Variants in THADA observed in about 807,000 individuals in gnomAD.
THADA encodes THADA armadillo repeat containing.
A neutral mutation model predicts 219.8 loss-of-function variants in THADA; 213 were observed. The observed-to-expected ratio is 0.97, with a 90% CI of 0.87 to 1.09. The LOEUF (loss-of-function observed/expected upper bound fraction) is 1.09. Among genes scored for constraint, THADA ranks in the 50% least tolerant of loss-of-function variants. The pLI is 0.00. For synonymous variants in THADA, 1,018 were observed against 828.9 expected (o/e 1.23, Z -3.92); for missense variants, 2,956 against 2,311.3 (o/e 1.28, Z -5.72).
intron 20 of THADA, among the ~76,000 whole-genome samples, chr2:43,548,326 C>A (rs1696318009): frequency 6.6e-6 from 1 of 152,238 alleles, no homozygotes; most frequent in African/African-American, 2.4e-5. Context: ...GTCAGGGACC[C>A]ACTTGAGGAG....
In THADA at chr2:43,230,943, T is replaced by A. The variant is rs1572690641; in HGVS notation, c.*5A>T. 6.3e-7 allele frequency: 1 copy of A among 1,599,132 alleles called. No individual in the cohort carries two copies. Among genetic ancestry groups the A allele is most frequent in the East Asian group, 2.2e-5 (1 of 44,506 alleles). On this transcript the variant is annotated 3_prime_UTR_variant, in exon 38 of 38. Transcript: ENST00000405975. ...ATACCCCCATCCCAATCCCCCAGAT[T>A]TTCTTCAACATGCCGCTTCTGTTCT...
At chr2:43,331,638 C>G (rs923801446) in intron 30 of THADA, among the ~76,000 whole-genome samples, 1 of 152,160 alleles carries the variant, frequency 6.6e-6, no homozygotes, top group Non-Finnish European at 1.5e-5. Context: ...CATGATACAT[C>G]ACATGCACTC....
chr2:43,293,131 G>T lies in THADA; in HGVS notation c.4521C>A (p.Phe1507Leu). ...SELITGFPWA[F>L]KVPGLPQYLQ... The stretch of plus-strand genomic sequence containing the variant: ...GGTACTGGGGCAGGCCTGGCACCTT[G>T]AAGGCCCAAGGGAATCCCGTTATCA... The change falls in exon 32 of 38, where the codon TTC (phenylalanine) becomes TTA (leucine). Residue 1507 changes from phenylalanine to leucine, a missense_variant. Physicochemically the swap from Phe to Leu is conservative, Grantham distance 22. Coordinates refer to ENST00000405975, the MANE Select transcript of THADA (RefSeq NM_022065.5). 6.2e-7 allele frequency: 1 copy of T among 1,613,986 alleles called. No individual in the cohort carries two copies. The highest frequency in any genetic ancestry group is 1.1e-5 in the South Asian group (1 of 91,082).
At chr2:43,516,748 C>A (rs1012066997) in intron 22 of THADA, among the ~76,000 whole-genome samples, 5 of 152,118 alleles carry the variant, frequency 3.3e-5, no homozygotes, top group African/African-American at 1.2e-4. Context: ...GCCCTAAATG[C>A]TCAGATCTGG....
At chr2:43,347,863 G>C (rs1167839601) in intron 29 of THADA, among the ~76,000 whole-genome samples, 3 of 152,222 alleles carry the variant, frequency 2.0e-5, no homozygotes, top group Non-Finnish European at 4.4e-5. Flanking sequence ...GTCAGACAAA[G>C]ACCTTAAAGG....
intron 36 of THADA, among the ~76,000 whole-genome samples, chr2:43,258,310 G>A (rs1341318643): frequency 1.3e-5 from 2 of 152,012 alleles, no homozygotes; most frequent in African/African-American, 4.8e-5. Flanking sequence ...ATCACCTGAG[G>A]TTGGGAGTTT....
intron 20 of THADA, among the ~76,000 whole-genome samples, chr2:43,546,594 T>G (rs1357257650): frequency 6.6e-6 from 1 of 152,164 alleles, no homozygotes; most frequent in African/African-American, 2.4e-5. Context: ...TGAGCTCTTC[T>G]TGTTGAATTG....
At chr2:43,522,652 C>T (rs1217171965) in intron 22 of THADA, among the ~76,000 whole-genome samples, 3 of 152,130 alleles carry the variant, frequency 2.0e-5, no homozygotes, top group African/African-American at 7.2e-5. Flanking sequence ...ATTATGAAAA[C>T]TTTTTAAATG....
At chr2:43,478,911 T>A (rs1424175756) in intron 26 of THADA, among the ~76,000 whole-genome samples, 2 of 152,204 alleles carry the variant, frequency 1.3e-5, no homozygotes. Context: ...AAAGTGTCAG[T>A]ACAGACTTAA....
In THADA at chr2:43,304,332, C is replaced by T. The variant is rs369669037; in HGVS notation, c.4439-11119G>A. On this transcript the variant is annotated intron_variant, in intron 31 of 37. Transcript: ENST00000405975. ...ACTTGTTCTATTTAGAAGCAGCAGT[C>T]AGTATCCATGAAGGCAGAAGGATCC... Among the ~76,000 whole-genome samples, 18 of 152,300 alleles carry T rather than the reference C, an allele frequency of 1.2e-4. No individual in the cohort carries two copies. In the East Asian group the frequency reaches 3.1e-3, roughly 26 times the overall value.
Position 43,297,272 on chromosome 2 carries a change from C to A in THADA, c.4439-4059G>T, listed in dbSNP as rs1376160490. Among the ~76,000 whole-genome samples, 34 of 109,966 alleles carry A rather than the reference C, an allele frequency of 3.1e-4. 1 individual carries two copies. The highest frequency in any genetic ancestry group is 6.5e-4 in the South Asian group (2 of 3,082). The allele number at this position is 109,966 out of a possible 152,430, so 72.1% of individuals were successfully genotyped here. A position where few individuals can be genotyped will look rare whatever the true frequency, so the allele number is the denominator to read the frequency against. On this transcript the variant is annotated intron_variant, in intron 31 of 37. Transcript: ENST00000405975. ...GAGGAGCGTCTCTGCCCGGCCACCC[C>A]GTCTGAGAAGTGAGGAGACCCTCTG...
intron 31 of THADA, among the ~76,000 whole-genome samples, chr2:43,296,943 C>T (rs2104387796): frequency 6.8e-6 from 1 of 147,970 alleles, no homozygotes; most frequent in African/African-American, 2.5e-5. Context: ...GAGATTGCAG[C>T]CTCTGCCCGG....
chr2:43,589,369 A>T (rs1701319665), intron 4 of THADA, among the ~76,000 whole-genome samples: 1 of 152,248 alleles, frequency 6.6e-6, no homozygotes, highest in Middle Eastern at 3.2e-3. Context: ...TAAGTCAGTC[A>T]CAAAAATATA....
intron 31 of THADA, among the ~76,000 whole-genome samples, chr2:43,314,253 A>T (rs1204646290): frequency 6.6e-6 from 1 of 152,188 alleles, no homozygotes; most frequent in East Asian, 1.9e-4. Context: ...TTTAGGATTA[A>T]TCAATCCTCT....
intron 30 of THADA, among the ~76,000 whole-genome samples, chr2:43,338,081 T>A (rs182711388): frequency 5.5e-4 from 84 of 152,160 alleles, no homozygotes; most frequent in African/African-American, 2.0e-3. Flanking sequence ...AACTTTACCA[T>A]CTTATCCATT....
chr2:43,305,801 G>T (rs1416943778), intron 31 of THADA, among the ~76,000 whole-genome samples: 1 of 152,138 alleles, frequency 6.6e-6, no homozygotes, highest in Non-Finnish European at 1.5e-5. Flanking sequence ...AACACAGGGA[G>T]GAAGTCCAGA....
intron 22 of THADA, among the ~76,000 whole-genome samples, chr2:43,525,915 A>C (rs555588126): frequency 6.6e-6 from 1 of 152,276 alleles, no homozygotes; most frequent in African/African-American, 2.4e-5. Flanking sequence ...CTTTGTTATA[A>C]CTGATTGCAG....
intron 22 of THADA, among the ~76,000 whole-genome samples, chr2:43,522,593 A>G (rs1349105348): frequency 6.6e-6 from 1 of 152,230 alleles, no homozygotes; most frequent in Non-Finnish European, 1.5e-5. Context: ...CATAGAGGTT[A>G]CTCACTGAGA....
At chr2:43,548,182 T>G (rs1240564221) in intron 20 of THADA, among the ~76,000 whole-genome samples, 1 of 152,142 alleles carries the variant, frequency 6.6e-6, no homozygotes, top group Non-Finnish European at 1.5e-5. Context: ...GAACAGCGGA[T>G]TTTTGTGAAC....
Sources: gnomAD v4.1 joint callset for allele counts (sites outside exome capture counted in the v4.1 genomes callset) on GRCh38, gnomAD v4.1.1 for gene constraint, MANE v1.5 for transcripts, NCBI Gene and HGNC (gene_info 2026-07-23, HGNC 2026-07-21) for gene names.